Variants in NKAIN2 observed in about 807,000 individuals in gnomAD.
NKAIN2 encodes sodium/potassium transporting ATPase interacting 2, also known as sodium/potassium-transporting ATPase subunit beta-1-interacting protein 2.
Under a neutral mutation model 32.6 loss-of-function variants are expected in NKAIN2, and 14 were observed. That is an observed-to-expected ratio of 0.43 (90% CI 0.28 to 0.67). The LOEUF (loss-of-function observed/expected upper bound fraction) is 0.67, where lower values mean the gene tolerates loss of function less well. NKAIN2 is among the 30% of genes least tolerant of loss of function. NKAIN2 has a pLI of 0.17. For synonymous variants in NKAIN2, 80 were observed against 87.2 expected (o/e 0.92, Z 0.46); for missense variants, 198 against 258.3 (o/e 0.77, Z 1.60).
At chr6:124,650,586 A>G (rs1041674505) in intron 3 of NKAIN2, among the ~76,000 whole-genome samples, 19 of 152,104 alleles carry the variant, frequency 1.2e-4, no homozygotes, top group African/African-American at 4.6e-4. Context: ...ATATGAGGGG[A>G]AAGAGAACAA....
At chr6:124,122,114 C>A (rs1785913199) in intron 1 of NKAIN2, among the ~76,000 whole-genome samples, 1 of 151,950 alleles carries the variant, frequency 6.6e-6, no homozygotes. Context: ...GAAAATGATG[C>A]ATGGTATTGA....
At chr6:124,515,869 C>T (rs1040498675) in intron 3 of NKAIN2, among the ~76,000 whole-genome samples, 2 of 151,980 alleles carry the variant, frequency 1.3e-5, no homozygotes, top group African/African-American at 4.8e-5. Flanking sequence ...TTGCCTCTAC[C>T]TTTAGCATCT....
chr6:124,608,024 A>G (rs1782559803), intron 3 of NKAIN2, among the ~76,000 whole-genome samples: 1 of 152,170 alleles, frequency 6.6e-6, no homozygotes, highest in African/African-American at 2.4e-5. Context: ...AAATACTTTC[A>G]ACTTATGATA....
At chr6:124,535,989 G>T (rs911681139) in intron 3 of NKAIN2, among the ~76,000 whole-genome samples, 1 of 152,166 alleles carries the variant, frequency 6.6e-6, no homozygotes, top group East Asian at 1.9e-4. Context: ...ATCTGCTGCC[G>T]ATGGGCAGCT....
chr6:124,241,632 A>C (rs961175026), intron 1 of NKAIN2, among the ~76,000 whole-genome samples: 1 of 152,168 alleles, frequency 6.6e-6, no homozygotes, highest in Admixed American at 6.5e-5. Context: ...GACAAAAACA[A>C]GCAACGGGAA....
intron 3 of NKAIN2, among the ~76,000 whole-genome samples, chr6:124,471,915 T>G (rs1039287215): frequency 6.6e-6 from 1 of 152,150 alleles, no homozygotes. Flanking sequence ...AATGGATAAT[T>G]ATAGTTATTA....
intron 3 of NKAIN2, among the ~76,000 whole-genome samples, chr6:124,388,014 T>C (rs182752091): frequency 6.6e-6 from 1 of 152,158 alleles, no homozygotes; most frequent in East Asian, 1.9e-4. Flanking sequence ...ATGTAGTGAA[T>C]AAAGACCTGG....
intron 3 of NKAIN2, among the ~76,000 whole-genome samples, chr6:124,610,252 C>T (rs1782641986): frequency 6.6e-6 from 1 of 152,168 alleles, no homozygotes; most frequent in African/African-American, 2.4e-5. Flanking sequence ...GGGGCACAAA[C>T]AAGATCACAT....
At chr6:124,201,362 A>T (rs998146801) in intron 1 of NKAIN2, among the ~76,000 whole-genome samples, 1 of 152,058 alleles carries the variant, frequency 6.6e-6, no homozygotes, top group African/African-American at 2.4e-5. Flanking sequence ...TATGATTAAG[A>T]ATGAAAGTTT....
intron 1 of NKAIN2, among the ~76,000 whole-genome samples, chr6:124,030,891 T>G (rs74512335): frequency 0.043 from 6,497 of 152,260 alleles, 463 homozygotes; most frequent in African/African-American, 0.15. Context: ...TAACCACTCA[T>G]TTATTCTTGT....
chr6:123,995,733 G>A (rs994340852), intron 1 of NKAIN2, among the ~76,000 whole-genome samples: 1 of 152,214 alleles, frequency 6.6e-6, no homozygotes, highest in African/African-American at 2.4e-5. Flanking sequence ...GAAAGATTTT[G>A]TTTGTAAATC....
intron 3 of NKAIN2, among the ~76,000 whole-genome samples, chr6:124,480,747 T>C (rs1161365474): frequency 6.6e-6 from 1 of 152,126 alleles, no homozygotes; most frequent in Non-Finnish European, 1.5e-5. Flanking sequence ...CATTTTTCTA[T>C]TTGCTATTTG....
intron 2 of NKAIN2, among the ~76,000 whole-genome samples, chr6:124,341,733 C>G (rs1203328952): frequency 6.6e-6 from 1 of 152,140 alleles, no homozygotes; most frequent in Non-Finnish European, 1.5e-5. Context: ...CTTATCAGAA[C>G]TTTTATCCCT....
At chr6:124,606,189 T>C (rs540084416) in intron 3 of NKAIN2, among the ~76,000 whole-genome samples, 9 of 152,038 alleles carry the variant, frequency 5.9e-5, no homozygotes, top group Non-Finnish European at 1.3e-4. Context: ...CAATTCTGTA[T>C]TCATAAATAT....
chr6:124,617,873 A>T (rs1186358464), intron 3 of NKAIN2, among the ~76,000 whole-genome samples: 4 of 152,184 alleles, frequency 2.6e-5, no homozygotes, highest in Non-Finnish European at 5.9e-5. Context: ...GAATAATTCA[A>T]ATAACCAGTT....
intron 2 of NKAIN2, among the ~76,000 whole-genome samples, chr6:124,307,172 TA>T (rs1005523775): frequency 1.2e-4 from 18 of 152,226 alleles, no homozygotes; most frequent in African/African-American, 4.3e-4. Context: ...ATTTCTCTGA[TA>T]AAAAATTATA....
intron 1 of NKAIN2, among the ~76,000 whole-genome samples, chr6:123,923,123 CCAAAAAAAA>C (rs67074127): frequency 0.27 from 39,977 of 149,378 alleles, 6,625 homozygotes; most frequent in East Asian, 0.52. Flanking sequence ...CAAGGGATTA[CCAAAAAAAA>C]CAAAAAAAAG....
chr6:124,519,964 A>G (rs905929602), intron 3 of NKAIN2, among the ~76,000 whole-genome samples: 5 of 152,126 alleles, frequency 3.3e-5, no homozygotes, highest in African/African-American at 7.2e-5. Flanking sequence ...CAGCACCTCT[A>G]TTGGGGTAAC....
intron 1 of NKAIN2, among the ~76,000 whole-genome samples, chr6:124,105,312 A>G (rs1785069199): frequency 6.6e-6 from 1 of 152,270 alleles, no homozygotes; most frequent in South Asian, 2.1e-4. Flanking sequence ...GGAGATCTGC[A>G]CGTCAGTGGG....
Sources: gnomAD v4.1 joint callset for allele counts (sites outside exome capture counted in the v4.1 genomes callset) on GRCh38, gnomAD v4.1.1 for gene constraint, MANE v1.5 for transcripts, NCBI Gene and HGNC (gene_info 2026-07-23, HGNC 2026-07-21) for gene names.